Variants in CA10 observed in about 807,000 individuals in gnomAD.
The protein encoded by CA10 is carbonic anhydrase-related protein 10.
Under a neutral mutation model 44.2 loss-of-function variants are expected in CA10, and 14 were observed. The ratio of observed to expected loss-of-function variants is 0.32; its 90% CI spans 0.21 to 0.50. The LOEUF (loss-of-function observed/expected upper bound fraction) is 0.50, where lower values mean the gene tolerates loss of function less well. Among genes scored for constraint, CA10 ranks in the 20% least tolerant of loss-of-function variants. The pLI, the probability that CA10 is intolerant of heterozygous loss-of-function variation, is 0.99. For synonymous variants in CA10, 159 were observed against 141.6 expected (o/e 1.12, Z -0.87); for missense variants, 350 against 409.7 (o/e 0.85, Z 1.26).
At position 51,943,243 on chromosome 17, in the gene CA10, C is replaced by T. The variant is rs535622746; in HGVS notation, c.137-12111G>A. Among the ~76,000 whole-genome samples, 43 of 152,250 alleles carry T rather than the reference C, an allele frequency of 2.8e-4. No homozygotes were observed. The South Asian group carries it at 5.2e-3, about 18-fold the overall frequency. Reference sequence around the variant, plus strand: ...CTATTGAAATCATCACTCTGGATTTCTAGAGAAGCTGGTTAGGTGCTAGAG... The same window carrying T: ...CTATTGAAATCATCACTCTGGATTTTTAGAGAAGCTGGTTAGGTGCTAGAG... On this transcript the variant is annotated intron_variant, in intron 2 of 8. Coordinates refer to ENST00000451037, the MANE Select transcript of CA10 (RefSeq NM_020178.5).
chr17:51,936,646 C>T (rs567286791), intron 2 of CA10, among the ~76,000 whole-genome samples: 2 of 115,336 alleles, frequency 1.7e-5, no homozygotes, highest in Non-Finnish European at 4.0e-5. Flanking sequence ...GAACAGATGG[C>T]TCAGTGCTCT....
chr17:51,977,505 A>C (rs1984504140), intron 2 of CA10, among the ~76,000 whole-genome samples: 1 of 152,096 alleles, frequency 6.6e-6, no homozygotes, highest in African/African-American at 2.4e-5. Flanking sequence ...AATCATGGAA[A>C]AATTCTTAGC....
intron 2 of CA10, among the ~76,000 whole-genome samples, chr17:52,002,049 AC>A (rs894919620): frequency 6.6e-6 from 1 of 151,894 alleles, no homozygotes; most frequent in African/African-American, 2.4e-5. Context: ...CCTGGTTTTA[AC>A]AAAAATATGT....
chr17:51,728,378 C>T (rs1052519108), intron 4 of CA10, among the ~76,000 whole-genome samples: 9 of 152,168 alleles, frequency 5.9e-5, no homozygotes, highest in African/African-American at 2.2e-4. Flanking sequence ...TTTTCTACTA[C>T]TGTCCTTTTT....
intron 1 of CA10, among the ~76,000 whole-genome samples, chr17:52,086,088 T>A (rs930857493): frequency 1.3e-5 from 2 of 152,218 alleles, no homozygotes; most frequent in African/African-American, 4.8e-5. Flanking sequence ...ACTCATTATG[T>A]TTGCATACTC....
intron 1 of CA10, among the ~76,000 whole-genome samples, chr17:52,126,662 T>C (rs1434845465): frequency 6.6e-6 from 1 of 152,240 alleles, no homozygotes; most frequent in African/African-American, 2.4e-5. Flanking sequence ...ACTGTCCATC[T>C]CACATAAATG....
At chr17:51,748,605 CTCT>C (rs562242669) in intron 3 of CA10, 151 of 468,774 alleles carry the variant, frequency 3.2e-4, no homozygotes, top group African/African-American at 3.1e-3. Flanking sequence ...CTTTCTTACT[CTCT>C]TGGGTTGACT....
chr17:52,016,341 A>C (rs2144144836), intron 2 of CA10, among the ~76,000 whole-genome samples: 1 of 152,238 alleles, frequency 6.6e-6, no homozygotes, highest in East Asian at 1.9e-4. Context: ...GACCACACCC[A>C]CCATTTCATT....
intron 2 of CA10, among the ~76,000 whole-genome samples, chr17:52,071,849 G>T (rs1386837748): frequency 1.3e-5 from 2 of 152,136 alleles, no homozygotes; most frequent in Non-Finnish European, 1.5e-5. Context: ...TCTGTATTCA[G>T]TTCTCTGTCC....
intron 2 of CA10, among the ~76,000 whole-genome samples, chr17:52,071,594 G>T (rs987163069): frequency 6.6e-6 from 1 of 152,160 alleles, no homozygotes; most frequent in Non-Finnish European, 1.5e-5. Flanking sequence ...ACTGGCTCCT[G>T]CTGAGAGCTT....
chr17:51,643,649 C>T (rs995076544), intron 6 of CA10, among the ~76,000 whole-genome samples: 7 of 152,232 alleles, frequency 4.6e-5, no homozygotes, highest in African/African-American at 9.6e-5. Context: ...AGCACAGGAG[C>T]GGTATTTCAT....
chr17:51,899,314 A>G (rs1981210124), intron 3 of CA10, among the ~76,000 whole-genome samples: 1 of 152,110 alleles, frequency 6.6e-6, no homozygotes, highest in Admixed American at 6.6e-5. Flanking sequence ...TGTTTAACAA[A>G]AGTCATTCAT....
Position 52,045,556 on chromosome 17 carries a change from C to G in CA10, c.136+26763G>C, listed in dbSNP as rs72836006. ...CAGAGCCAAGAGGAGGGCAATGGAA[C>G]TATACTGTTGTAAGGTTTCCATATG... On this transcript the variant is annotated intron_variant, in intron 2 of 8. Coordinates refer to ENST00000451037, the MANE Select transcript of CA10 (RefSeq NM_020178.5). 6.8e-3 allele frequency among the ~76,000 whole-genome samples: 1,027 copies of G among 151,978 alleles called. 6 individuals carry two copies. The highest frequency in any genetic ancestry group is 0.011 in the Non-Finnish European group (769 of 67,920).
chr17:51,863,481 T>C (rs1979407107), intron 3 of CA10, among the ~76,000 whole-genome samples: 1 of 152,230 alleles, frequency 6.6e-6, no homozygotes, highest in South Asian at 2.1e-4. Flanking sequence ...ATTTTCTTTC[T>C]TTGATTTTGC....
rs1987888202 is a variant in CA10 at position 52,078,879 on chromosome 17, T to A, written c.62-6486A>T. On this transcript the variant is annotated intron_variant, in intron 1 of 8. Coordinates refer to ENST00000451037, the MANE Select transcript of CA10 (RefSeq NM_020178.5). Reference sequence around the variant, plus strand: ...TTTCTTCTGTGCACTCTCTGTATTATGTGTGGTCCTACATTCTAACATTTA... The same window carrying A: ...TTTCTTCTGTGCACTCTCTGTATTAAGTGTGGTCCTACATTCTAACATTTA... Among the ~76,000 whole-genome samples, 4 of 152,248 alleles carry A rather than the reference T, an allele frequency of 2.6e-5. No individual in the cohort carries two copies. In the South Asian group the frequency reaches 8.3e-4, roughly 31 times the overall value.
At chr17:51,813,334 T>A (rs2143743869) in intron 3 of CA10, among the ~76,000 whole-genome samples, 1 of 152,278 alleles carries the variant, frequency 6.6e-6, no homozygotes, top group Non-Finnish European at 1.5e-5. Context: ...ACGGTGCAGG[T>A]TTTTAAATTG....
At chr17:52,126,340 T>G (rs1349425069) in intron 1 of CA10, among the ~76,000 whole-genome samples, 1 of 152,226 alleles carries the variant, frequency 6.6e-6, no homozygotes, top group Non-Finnish European at 1.5e-5. Context: ...TTATTTTAAT[T>G]TTGATGTAAT....
intron 3 of CA10, among the ~76,000 whole-genome samples, chr17:51,923,036 A>G (rs568884268): frequency 9.8e-5 from 15 of 152,340 alleles, no homozygotes; most frequent in African/African-American, 3.6e-4. Flanking sequence ...CCACTTCTTC[A>G]GCAGCTCTTA....
At chr17:51,645,059 G>C (rs952119042) in intron 6 of CA10, among the ~76,000 whole-genome samples, 2 of 152,098 alleles carry the variant, frequency 1.3e-5, no homozygotes, top group African/African-American at 2.4e-5. Context: ...GCCTCCCAAA[G>C]TGCTGGGATT....
Sources: allele counts gnomAD v4.1 joint callset (sites outside exome capture counted in the v4.1 genomes callset), GRCh38; gene constraint gnomAD v4.1.1; transcripts MANE v1.5; gene names NCBI Gene and HGNC (gene_info 2026-07-23, HGNC 2026-07-21).